DCUN1D2: variants seen among roughly 807,000 people sequenced by gnomAD.
DCUN1D2 encodes the protein defective in cullin neddylation 1 domain containing 2, also known as DCN1-like protein 2.
A neutral mutation model predicts 30.9 loss-of-function variants in DCUN1D2; 29 were observed. The observed-to-expected ratio is 0.94, with a 90% CI of 0.70 to 1.28. The LOEUF (loss-of-function observed/expected upper bound fraction) is 1.28, where lower values mean the gene tolerates loss of function less well. Among genes scored for constraint, DCUN1D2 ranks in the 50% most tolerant of loss-of-function variants. DCUN1D2 has a pLI of 0.00. For synonymous variants in DCUN1D2, 121 were observed against 115.3 expected (o/e 1.05, Z -0.32); for missense variants, 325 against 316.9 (o/e 1.03, Z -0.19).
intron 3 of DCUN1D2, among the ~76,000 whole-genome samples, chr13:113,476,960 G>T (rs1385739413): frequency 6.6e-6 from 1 of 152,144 alleles, no homozygotes; most frequent in Non-Finnish European, 1.5e-5. Context: ...CCCATACACG[G>T]ACTTCTTTCT....
chr13:113,462,597 T>C (rs891643386), intron 4 of DCUN1D2: 2 of 223,808 alleles, frequency 8.9e-6, no homozygotes, highest in Admixed American at 1.3e-4. Flanking sequence ...CCACTTTAAA[T>C]AAAACGCCTC....
At chr13:113,474,649 A>T (rs940636171) in intron 3 of DCUN1D2, among the ~76,000 whole-genome samples, 1 of 152,192 alleles carries the variant, frequency 6.6e-6, no homozygotes, top group South Asian at 2.1e-4. Context: ...GGCGTGGTCT[A>T]ACTTGGTAGC....
At chr13:113,471,916 T>C (rs552937272) in intron 4 of DCUN1D2, among the ~76,000 whole-genome samples, 3 of 152,266 alleles carry the variant, frequency 2.0e-5, no homozygotes, top group East Asian at 3.9e-4. Flanking sequence ...CAGGGGCTGC[T>C]GGGGAACACA....
At chr13:113,484,224 C>CTGT in intron 1 of DCUN1D2, 168 bp from the exon 2 acceptor site, 1 of 1,402,758 alleles carries the variant, frequency 7.1e-7, no homozygotes, top group Non-Finnish European at 9.3e-7. Context: ...AGCATCTATA[C>CTGT]TGTAACAAAC....
intron 4 of DCUN1D2, among the ~76,000 whole-genome samples, chr13:113,465,106 G>A (rs987631839): frequency 3.3e-5 from 5 of 152,206 alleles, no homozygotes; most frequent in Non-Finnish European, 7.3e-5. Context: ...GCATTGCAGA[G>A]TATCAATAAA....
intron 4 of DCUN1D2, among the ~76,000 whole-genome samples, chr13:113,470,229 C>T (rs4545697): frequency 0.17 from 26,261 of 152,174 alleles, 2,775 homozygotes; most frequent in African/African-American, 0.3. Context: ...ACACGCTGTC[C>T]AGGTTTGTAT....
intron 4 of DCUN1D2, among the ~76,000 whole-genome samples, chr13:113,466,498 T>G (rs2044404818): frequency 6.6e-6 from 1 of 152,220 alleles, no homozygotes; most frequent in Non-Finnish European, 1.5e-5. Flanking sequence ...TTTGATATGC[T>G]AAGTCATTTC....
rs779575253 is a variant in DCUN1D2 at position 113,457,888 on chromosome 13, G to T, written c.*141C>A. ...ACAAAGCAGCCGCTGGCTGTCCTCC[G>T]GCAGAATGGGATGGCGCCTCTGGTT... On this transcript the variant is annotated 3_prime_UTR_variant, in exon 7 of 7. Transcript: ENST00000478244. 2.1e-5 allele frequency: 17 copies of T among 795,112 alleles called. No individual in the cohort carries two copies. The highest frequency in any genetic ancestry group is 3.6e-5 in the Non-Finnish European group (17 of 477,120). 49.3% of individuals were successfully genotyped at this position (795,112 alleles called of 1,614,324 possible).
At chr13:113,485,079 A>G (rs1361055028) in intron 1 of DCUN1D2, among the ~76,000 whole-genome samples, 4 of 98,600 alleles carry the variant, frequency 4.1e-5, no homozygotes, top group African/African-American at 1.2e-4. Context: ...CTCTATCTCA[A>G]TAAATAAATA....
Position 113,484,008 on chromosome 13 carries a change from A to T in DCUN1D2, c.52T>A (p.Cys18Ser). The change falls in exon 2 of 7, where the codon TGC (cysteine) becomes AGC (serine). Residue 18 changes from cysteine to serine, a missense_variant. Transcript: ENST00000478244. ...QKDKVRQFMACTQAGERTAIY... is the reference protein window; with the variant it reads ...QKDKVRQFMASTQAGERTAIY... ...GCAGTTCTCTCGCCAGCCTGAGTGC[A>T]CGCCATAAACTGGCGGACCTTGTCC... is the stretch of plus-strand genomic sequence containing the variant. 5 of 1,614,194 alleles carry T rather than the reference A, an allele frequency of 3.1e-6. No individual in the cohort carries two copies. The highest frequency in any genetic ancestry group is 4.2e-6 in the Non-Finnish European group (5 of 1,180,052).
chr13:113,457,985 G>C lies in DCUN1D2; in HGVS notation c.*44C>G. 5 of 1,555,734 alleles carry C rather than the reference G, an allele frequency of 3.2e-6. No homozygotes were observed. Among genetic ancestry groups the C allele is most frequent in the Non-Finnish European group, 4.4e-6 (5 of 1,126,992 alleles). On this transcript the variant is annotated 3_prime_UTR_variant, in exon 7 of 7. Coordinates refer to ENST00000478244, the MANE Select transcript of DCUN1D2 (RefSeq NM_001014283.2). ...AGGAACTGACTGCAATCTCCTTGCA[G>C]GATACAAATCATTTCATAATCTTAC...
upstream of DCUN1D2, among the ~76,000 whole-genome samples, chr13:113,491,563 C>T (rs1275522765): frequency 6.6e-6 from 1 of 152,034 alleles, no homozygotes; most frequent in Non-Finnish European, 1.5e-5. Context: ...TCTCTCTCCT[C>T]GGGGCTCCCC....
chr13:113,458,527 C>T (rs903922156), intron 6 of DCUN1D2, among the ~76,000 whole-genome samples: 5 of 152,248 alleles, frequency 3.3e-5, no homozygotes, highest in Non-Finnish European at 7.3e-5. Context: ...TTCCCCACCC[C>T]GGCAGCCCTG....
At chr13:113,462,109 G>T (rs984130801) in intron 4 of DCUN1D2, among the ~76,000 whole-genome samples, 13 of 152,100 alleles carry the variant, frequency 8.5e-5, no homozygotes, top group Non-Finnish European at 4.4e-5. Context: ...AAAATTAGCT[G>T]GGCGTGGTGG....
At chr13:113,467,995 G>C (rs1378933322) in intron 4 of DCUN1D2, among the ~76,000 whole-genome samples, 1 of 134,234 alleles carries the variant, frequency 7.4e-6, no homozygotes, top group Non-Finnish European at 1.5e-5. Flanking sequence ...AGTGAGCCAA[G>C]ATCACACCAC....
In DCUN1D2 at chr13:113,457,267, A is replaced by T. The variant is rs1048379744; in HGVS notation, c.*762T>A. 23 of 152,212 alleles carry T rather than the reference A, an allele frequency of 1.5e-4. No homozygotes were observed. The highest frequency in any genetic ancestry group is 4.6e-4 in the African/African-American group (19 of 41,460). 9.4% of individuals were successfully genotyped at this position (152,212 alleles called of 1,614,324 possible). Reference sequence around the variant, plus strand: ...TTTAAATGTAATTAAAATATATTTTAAAAAAACATACTTTATGAAGCTTCT... The same window carrying T: ...TTTAAATGTAATTAAAATATATTTTTAAAAAACATACTTTATGAAGCTTCT... On this transcript the variant is annotated 3_prime_UTR_variant, in exon 7 of 7. Coordinates refer to ENST00000478244, the MANE Select transcript of DCUN1D2 (RefSeq NM_001014283.2).
Position 113,483,856 on chromosome 13 carries a change from C to T in DCUN1D2, c.204G>A (p.Leu68=). The T allele has an allele frequency of 6.2e-7, 1 of 1,612,540 alleles. No individual in the cohort carries two copies. The highest frequency in any genetic ancestry group is 8.5e-7 in the Non-Finnish European group (1 of 1,180,034). ...NAVDKKKLER[L]YGRYKDPQDE... is the part of the protein sequence containing the mutation. ...TCCTCTTACCTTTGTACCTGCCGTA[C>T]AGCCGCTCCAGCTTCTTCTTGTCCA... Residue 68 remains leucine (L), a synonymous_variant, in exon 2 of 7, where the codon CTG becomes CTA. Transcript: ENST00000478244.
intron 4 of DCUN1D2, among the ~76,000 whole-genome samples, chr13:113,464,697 C>T (rs1434222462): frequency 6.6e-6 from 1 of 152,216 alleles, no homozygotes; most frequent in Non-Finnish European, 1.5e-5. Context: ...CAGCTGGAGG[C>T]AGGTGGGAGG....
chr13:113,475,704 T>C (rs369392976), intron 3 of DCUN1D2, among the ~76,000 whole-genome samples: 18 of 152,126 alleles, frequency 1.2e-4, no homozygotes, highest in Middle Eastern at 3.4e-3. Flanking sequence ...CTGGGCAACA[T>C]AGAGAGACCC....
Sources: allele counts gnomAD v4.1 joint callset (sites outside exome capture counted in the v4.1 genomes callset), GRCh38; gene constraint gnomAD v4.1.1; transcripts MANE v1.5; gene names NCBI Gene and HGNC (gene_info 2026-07-23, HGNC 2026-07-21).